Variants in DOCK5 observed in about 807,000 individuals in gnomAD.
DOCK5 encodes the protein dedicator of cytokinesis protein 5.
DOCK5 carries 142 observed loss-of-function variants against 251.8 expected under a neutral mutation model. The ratio of observed to expected loss-of-function variants is 0.56; its 90% CI spans 0.49 to 0.65. DOCK5 has a LOEUF of 0.65. Ranked by LOEUF, DOCK5 falls within the 30% of genes least tolerant of loss-of-function variation. DOCK5 has a pLI of 0.00. For missense variants in DOCK5, 2,111 were observed against 2,312.3 expected (o/e 0.91, Z 1.79); for synonymous variants, 842 against 835.5 (o/e 1.01, Z -0.13).
chr8:25,279,628 AT>A (rs754770346), intron 5 of DOCK5, among the ~76,000 whole-genome samples: 332 of 151,528 alleles, frequency 2.2e-3, no homozygotes, highest in Non-Finnish European at 3.6e-3. Context: ...TTATTTATTT[AT>A]TTTTTTGAGA....
In DOCK5 at chr8:25,243,772, C is replaced by A. The variant is rs753667084; in HGVS notation, c.127+15C>A. ...GATGTACGAGGGTAAGTCTGGCTGG[C>A]CTTCTGCCAGATGAGGGCAAGGGAA... On this transcript the variant is annotated intron_variant, in intron 2 of 51. Coordinates refer to ENST00000276440, the MANE Select transcript of DOCK5 (RefSeq NM_024940.8). The A allele has an allele frequency of 1.2e-6, 2 of 1,612,086 alleles. No homozygotes were observed. Among genetic ancestry groups the A allele is most frequent in the East Asian group, 4.5e-5 (2 of 44,832 alleles).
Position 25,294,573 on chromosome 8 carries a change from C to T in DOCK5, c.471-1940C>T, listed in dbSNP as rs527513941. On this transcript the variant is annotated intron_variant, in intron 6 of 51. Transcript: ENST00000276440. The stretch of plus-strand genomic sequence containing the variant: ...GCCTTGAGGGGAGGGATTGCACCCA[C>T]GATATGGCCGTTAGTATTCCCAAGC... 8.5e-5 allele frequency among the ~76,000 whole-genome samples: 13 copies of T among 152,248 alleles called. No homozygotes were observed. In the East Asian group the frequency reaches 1.4e-3, roughly 16 times the overall value.
At chr8:25,341,290 T>C (rs1466892253) in intron 23 of DOCK5, among the ~76,000 whole-genome samples, 1 of 151,876 alleles carries the variant, frequency 6.6e-6, no homozygotes, top group East Asian at 1.9e-4. Context: ...GCACTACAGG[T>C]GACAAATTTT....
chr8:25,191,437 T>A (rs947061414), intron 1 of DOCK5, among the ~76,000 whole-genome samples: 2 of 152,246 alleles, frequency 1.3e-5, no homozygotes, highest in African/African-American at 4.8e-5. Context: ...TATGTATTTT[T>A]ACAAACATGT....
rs1254800512 is a variant in DOCK5 at position 25,308,746 on chromosome 8, C to A, written c.1050-37C>A. The A allele has an allele frequency of 3.1e-6, 5 of 1,607,804 alleles. No homozygotes were observed. The African/African-American group carries it at 5.3e-5, about 17-fold the overall frequency. The stretch of plus-strand genomic sequence containing the variant: ...GTTGTGCTGCAGAGACTTCCTTTCT[C>A]CCCCTCCCACCTTACCTCTTATTTC... On this transcript the variant is annotated intron_variant, in intron 11 of 51. Transcript: ENST00000276440.
chr8:25,296,510 C>A lies in DOCK5; in HGVS notation c.471-3C>A, dbSNP rs961450354. 1 of 1,607,422 alleles carries A rather than the reference C, an allele frequency of 6.2e-7. No individual in the cohort carries two copies. The highest frequency in any genetic ancestry group is 8.5e-7 in the Non-Finnish European group (1 of 1,176,950). On this transcript the variant is annotated splice_region_variant and splice_polypyrimidine_tract_variant and intron_variant, in intron 6 of 51. Coordinates refer to ENST00000276440, the MANE Select transcript of DOCK5 (RefSeq NM_024940.8). ...AACCAGCTGACTACTCCTTTCTCTC[C>A]AGAATGCTGGGGTTAGATCTGGTGG...
At chr8:25,227,101 T>G (rs780800559) in intron 1 of DOCK5, among the ~76,000 whole-genome samples, 6 of 152,228 alleles carry the variant, frequency 3.9e-5, no homozygotes, top group Admixed American at 6.5e-5. Flanking sequence ...TTATTGTGGT[T>G]GTTCTGACTT....
chr8:25,333,397 G>A (rs1341990256), intron 20 of DOCK5, among the ~76,000 whole-genome samples: 1 of 152,138 alleles, frequency 6.6e-6, no homozygotes, highest in East Asian at 1.9e-4. Flanking sequence ...TAAAGCTAAG[G>A]TTTAAGATAA....
chr8:25,392,044 C>A, intron 43 of DOCK5, 64 bp downstream of exon 43: 1 of 1,487,006 alleles, frequency 6.7e-7, no homozygotes. Context: ...TGGCTCACGC[C>A]TGTAATCCCA....
chr8:25,214,831 G>A (rs73558440), intron 1 of DOCK5, among the ~76,000 whole-genome samples: 1 of 152,286 alleles, frequency 6.6e-6, no homozygotes, highest in East Asian at 1.9e-4. Flanking sequence ...GTCCCTGGCT[G>A]CTCCGCTGAG....
At chr8:25,335,017 A>G (rs1340382389) in intron 21 of DOCK5, among the ~76,000 whole-genome samples, 1 of 152,180 alleles carries the variant, frequency 6.6e-6, no homozygotes, top group Non-Finnish European at 1.5e-5. Context: ...CTGACTAAGG[A>G]AAGCAACTGA....
chr8:25,218,671 G>A (rs946556413), intron 1 of DOCK5, among the ~76,000 whole-genome samples: 35 of 152,172 alleles, frequency 2.3e-4, no homozygotes, highest in African/African-American at 6.0e-4. Flanking sequence ...TCACTTTCCC[G>A]TTGTAGGGAT....
At chr8:25,249,449 A>G (rs1803208485) in intron 2 of DOCK5, among the ~76,000 whole-genome samples, 1 of 152,098 alleles carries the variant, frequency 6.6e-6, no homozygotes, top group Non-Finnish European at 1.5e-5. Context: ...CTTTCAGAAC[A>G]CTTTCATCAT....
At chr8:25,230,193 G>A (rs1802633559) in intron 1 of DOCK5, among the ~76,000 whole-genome samples, 1 of 152,098 alleles carries the variant, frequency 6.6e-6, no homozygotes, top group Admixed American at 6.5e-5. Context: ...CTTCTCTGCT[G>A]GTTTGCATGA....
chr8:25,397,757 GAC>G (rs1313228212), intron 45 of DOCK5, among the ~76,000 whole-genome samples: 1 of 149,456 alleles, frequency 6.7e-6, no homozygotes, highest in Non-Finnish European at 1.5e-5. Context: ...ATCTGTGACT[GAC>G]ACATAATATC....
chr8:25,351,904 A>G, intron 27 of DOCK5, 78 bp downstream of exon 27: 1 of 1,124,394 alleles, frequency 8.9e-7, no homozygotes, highest in South Asian at 1.3e-5. Context: ...CTTCGGGGCC[A>G]GTGGCTTGAG....
chr8:25,254,177 C>T (rs1408934415), intron 2 of DOCK5, among the ~76,000 whole-genome samples: 2 of 152,194 alleles, frequency 1.3e-5, no homozygotes, highest in African/African-American at 2.4e-5. Flanking sequence ...AACAACCTGA[C>T]AACCACATGC....
chr8:25,276,700 T>C (rs1018855190), intron 4 of DOCK5, among the ~76,000 whole-genome samples: 3 of 152,210 alleles, frequency 2.0e-5, no homozygotes, highest in Non-Finnish European at 4.4e-5. Flanking sequence ...GCAAGCTTTA[T>C]TTTGTATGAA....
At chr8:25,296,380 G>C in intron 6 of DOCK5, 133 bp from the exon 7 acceptor site, 1 of 1,127,356 alleles carries the variant, frequency 8.9e-7, no homozygotes, top group Non-Finnish European at 1.2e-6. Flanking sequence ...AAAAGTCAAT[G>C]AGGTGTGCTT....
Sources: gnomAD v4.1 joint callset for allele counts (sites outside exome capture counted in the v4.1 genomes callset) on GRCh38, gnomAD v4.1.1 for gene constraint, MANE v1.5 for transcripts, NCBI Gene and HGNC (gene_info 2026-07-23, HGNC 2026-07-21) for gene names.